CRTAC1: variants seen among roughly 807,000 people sequenced by gnomAD.
The protein encoded by CRTAC1 is acidic secreted protein in cartilage.
A neutral mutation model predicts 67.8 loss-of-function variants in CRTAC1; 37 were observed. That is an observed-to-expected ratio of 0.55 (90% CI 0.42 to 0.72). The LOEUF (loss-of-function observed/expected upper bound fraction) is 0.72. Ranked by LOEUF, CRTAC1 falls within the 30% of genes least tolerant of loss-of-function variation. CRTAC1 has a pLI of 0.00. For missense variants in CRTAC1, 780 were observed against 931.6 expected, an observed-to-expected ratio of 0.84 and a Z score of 2.12; for synonymous variants, 348 against 371.0, an observed-to-expected ratio of 0.94 and a Z score of 0.71.
At chr10:97,997,998 C>T (rs1047229814) in intron 2 of CRTAC1, among the ~76,000 whole-genome samples, 1 of 152,148 alleles carries the variant, frequency 6.6e-6, no homozygotes, top group Non-Finnish European at 1.5e-5. Context: ...GAGACAGGGT[C>T]TTGCTCTGCC....
intron 4 of CRTAC1, among the ~76,000 whole-genome samples, chr10:97,922,266 C>T (rs1282381996): frequency 6.6e-6 from 1 of 152,222 alleles, no homozygotes; most frequent in African/African-American, 2.4e-5. Flanking sequence ...CCCAGCTTGG[C>T]TTCTCTTCCC....
intron 2 of CRTAC1, among the ~76,000 whole-genome samples, chr10:97,938,121 G>A (rs2051118582): frequency 6.6e-6 from 1 of 152,174 alleles, no homozygotes; most frequent in African/African-American, 2.4e-5. Flanking sequence ...TGGGGGCTGA[G>A]TCAGCGCCCG....
intron 2 of CRTAC1, among the ~76,000 whole-genome samples, chr10:98,008,214 T>C (rs1221523366): frequency 3.3e-5 from 5 of 152,186 alleles, no homozygotes; most frequent in African/African-American, 4.8e-5. Context: ...AGCTGAAAGA[T>C]GAATCTTGAG....
chr10:97,876,849 G>A (rs78007795), intron 14 of CRTAC1, among the ~76,000 whole-genome samples: 5,462 of 151,216 alleles, frequency 0.036, 317 homozygotes, highest in African/African-American at 0.12. Context: ...CTTTGCACCC[G>A]CAAATCTGTG....
chr10:97,899,721 C>G (rs2050507144), intron 8 of CRTAC1, among the ~76,000 whole-genome samples: 1 of 152,200 alleles, frequency 6.6e-6, no homozygotes, highest in Admixed American at 6.5e-5. Context: ...CTTAGTCACA[C>G]TCATGCCTTT....
At chr10:98,026,114 T>C (rs1051442046) in intron 1 of CRTAC1, among the ~76,000 whole-genome samples, 4 of 152,188 alleles carry the variant, frequency 2.6e-5, no homozygotes, top group Admixed American at 2.6e-4. Flanking sequence ...GAATACCTCT[T>C]TACCTCTAAC....
At chr10:97,891,392 C>G (rs1276824503) in intron 11 of CRTAC1, among the ~76,000 whole-genome samples, 1 of 152,250 alleles carries the variant, frequency 6.6e-6, no homozygotes, top group African/African-American at 2.4e-5. Context: ...TCTCCTTAGG[C>G]CCTCGTCCAC....
At chr10:97,948,019 G>A (rs1419839925) in intron 2 of CRTAC1, among the ~76,000 whole-genome samples, 1 of 151,910 alleles carries the variant, frequency 6.6e-6, no homozygotes, top group Non-Finnish European at 1.5e-5. Flanking sequence ...TCATTGTCTG[G>A]TATGCATGAA....
chr10:97,893,905 G>A (rs796286641), intron 11 of CRTAC1, among the ~76,000 whole-genome samples: 5 of 152,238 alleles, frequency 3.3e-5, no homozygotes, highest in African/African-American at 1.2e-4. Flanking sequence ...TAGTGCCCTG[G>A]TGATCTACCA....
At chr10:97,865,816 C>G in intron 14 of CRTAC1, 102 bp from the exon 15 acceptor site, 1 of 1,345,972 alleles carries the variant, frequency 7.4e-7, no homozygotes, top group Non-Finnish European at 9.8e-7. Context: ...CACCCTGCTG[C>G]CCGGGGTGGG....
intron 14 of CRTAC1, among the ~76,000 whole-genome samples, chr10:97,876,250 A>G (rs963188730): frequency 2.6e-5 from 4 of 152,134 alleles, no homozygotes; most frequent in Non-Finnish European, 5.9e-5. Context: ...GGGCTGTATG[A>G]CCCTGCACAA....
intron 1 of CRTAC1, among the ~76,000 whole-genome samples, chr10:98,017,920 G>C (rs1843031931): frequency 6.6e-6 from 1 of 151,908 alleles, no homozygotes; most frequent in Non-Finnish European, 1.5e-5. Flanking sequence ...AGAGAGGCCA[G>C]GCATGGTGGC....
intron 11 of CRTAC1, among the ~76,000 whole-genome samples, chr10:97,892,205 G>T (rs1243200984): frequency 6.6e-6 from 1 of 152,178 alleles, no homozygotes; most frequent in Non-Finnish European, 1.5e-5. Context: ...TATTCTCCTG[G>T]CAGGGCAGAT....
Position 97,876,058 on chromosome 10 carries a change from G to T in CRTAC1, c.1819+4191C>A, listed in dbSNP as rs1475412805. 3.3e-5 allele frequency among the ~76,000 whole-genome samples: 5 copies of T among 152,162 alleles called. No individual in the cohort carries two copies. The East Asian group carries it at 9.6e-4, about 29-fold the overall frequency. On this transcript the variant is annotated intron_variant, in intron 14 of 14. Transcript: ENST00000370597. The stretch of plus-strand genomic sequence containing the variant: ...CGTGACCGTGGGGAGGACTATTTCA[G>T]ATCACTAGGCCTCCAGGGGCTCCAT...
At chr10:97,871,648 G>T (rs957125475) in intron 14 of CRTAC1, 1 of 152,148 alleles carries the variant, frequency 6.6e-6, no homozygotes, top group African/African-American at 2.4e-5. Context: ...GGAAACTGAC[G>T]TTCTAGGTGG....
At chr10:97,914,124 C>T (rs1176318270) in intron 5 of CRTAC1, among the ~76,000 whole-genome samples, 2 of 152,192 alleles carry the variant, frequency 1.3e-5, no homozygotes, top group Non-Finnish European at 1.5e-5. Context: ...GAGGCGAGGC[C>T]TAGGGGAGGC....
intron 14 of CRTAC1, chr10:97,879,667 C>T: frequency 6.5e-7 from 1 of 1,529,638 alleles, no homozygotes; most frequent in Admixed American, 2.2e-5. Context: ...TTTGTTTTTT[C>T]CTTTATTGAT....
intron 3 of CRTAC1, among the ~76,000 whole-genome samples, chr10:97,931,452 T>C (rs1590217857): frequency 6.6e-6 from 1 of 152,334 alleles, no homozygotes; most frequent in Admixed American, 6.5e-5. Context: ...CTTTCATCAA[T>C]AGAGGACCAA....
Position 97,895,653 on chromosome 10 carries a change from C to T in CRTAC1, c.1317+232G>A, listed in dbSNP as rs1328332178. On this transcript the variant is annotated intron_variant, in intron 10 of 14. Transcript: ENST00000370597. The surrounding 1 kb of genome is among the most constrained non-coding windows in gnomAD (Gnocchi z 4.2). ...GACAAAAGCCGAGGGACTCAGGGCA[C>T]AGTGTTTGGCAGATAAATGATACTG... 1.3e-5 allele frequency among the ~76,000 whole-genome samples: 2 copies of T among 152,128 alleles called. No individual in the cohort carries two copies. Among genetic ancestry groups the T allele is most frequent in the East Asian group, 3.9e-4 (2 of 5,174 alleles).
Sources: allele counts gnomAD v4.1 joint callset (sites outside exome capture counted in the v4.1 genomes callset), GRCh38; gene constraint gnomAD v4.1.1; non-coding constraint Gnocchi (gnomAD v3.1); transcripts MANE v1.5; gene names NCBI Gene and HGNC (gene_info 2026-07-23, HGNC 2026-07-21).